NXPH1: variants seen among roughly 807,000 people sequenced by gnomAD.
NXPH1 encodes neurexophilin-1.
NXPH1 carries 5 observed loss-of-function variants against 23.7 expected under a neutral mutation model. That is an observed-to-expected ratio of 0.21 (90% CI 0.11 to 0.44). The LOEUF (loss-of-function observed/expected upper bound fraction) is 0.44. Among genes scored for constraint, NXPH1 ranks in the 20% least tolerant of loss-of-function variants. The pLI, the probability that NXPH1 is intolerant of heterozygous loss-of-function variation, is 0.99. For synonymous variants in NXPH1, 144 were observed against 122.2 expected, an observed-to-expected ratio of 1.18 and a Z score of -1.18; for missense variants, 324 against 321.6, an observed-to-expected ratio of 1.01 and a Z score of -0.06.
intron 2 of NXPH1, among the ~76,000 whole-genome samples, chr7:8,537,467 T>C (rs1315461599): frequency 6.6e-6 from 1 of 151,926 alleles, no homozygotes; most frequent in Non-Finnish European, 1.5e-5. Context: ...GGAGAAGTGC[T>C]GAGCAAAGGG....
At chr7:8,488,872 G>A (rs1005677094) in intron 2 of NXPH1, among the ~76,000 whole-genome samples, 1 of 152,146 alleles carries the variant, frequency 6.6e-6, no homozygotes. Flanking sequence ...CATTGCTTCT[G>A]TTAAGATGAT....
intron 2 of NXPH1, among the ~76,000 whole-genome samples, chr7:8,750,139 GT>G (rs1780539338): frequency 6.6e-6 from 1 of 152,066 alleles, no homozygotes; most frequent in Non-Finnish European, 1.5e-5. Flanking sequence ...AAAAAATTAT[GT>G]CTTATTCAAT....
At chr7:8,482,634 C>T (rs1817093471) in intron 2 of NXPH1, among the ~76,000 whole-genome samples, 1 of 152,178 alleles carries the variant, frequency 6.6e-6, no homozygotes, top group Non-Finnish European at 1.5e-5. Flanking sequence ...CCATTTCTCC[C>T]TCCTGTACAA....
intron 2 of NXPH1, among the ~76,000 whole-genome samples, chr7:8,465,876 A>G (rs1184931203): frequency 6.6e-6 from 1 of 152,116 alleles, no homozygotes; most frequent in Non-Finnish European, 1.5e-5. Context: ...TAAACTGGAG[A>G]CTGTTGTGTC....
intron 2 of NXPH1, among the ~76,000 whole-genome samples, chr7:8,660,659 A>G (rs1446572612): frequency 2.6e-5 from 4 of 152,206 alleles, no homozygotes; most frequent in African/African-American, 9.6e-5. Context: ...CTTTGTCATA[A>G]TAACAACTGC....
At chr7:8,594,167 T>C (rs1471654482) in intron 2 of NXPH1, among the ~76,000 whole-genome samples, 1 of 152,102 alleles carries the variant, frequency 6.6e-6, no homozygotes, top group African/African-American at 2.4e-5. Context: ...CCACGTTTAC[T>C]TGAATGGTAA....
At chr7:8,710,493 A>G (rs1050923449) in intron 2 of NXPH1, among the ~76,000 whole-genome samples, 8 of 152,190 alleles carry the variant, frequency 5.3e-5, no homozygotes, top group African/African-American at 1.9e-4. Context: ...GGATTGAGGA[A>G]TTAAGCCTTG....
At chr7:8,611,758 T>C (rs1390498219) in intron 2 of NXPH1, among the ~76,000 whole-genome samples, 1 of 152,140 alleles carries the variant, frequency 6.6e-6, no homozygotes, top group African/African-American at 2.4e-5. Flanking sequence ...AAAGTGATGA[T>C]AGGAGACTTT....
intron 2 of NXPH1, among the ~76,000 whole-genome samples, chr7:8,512,168 G>A (rs191707893): frequency 8.3e-4 from 126 of 152,264 alleles, no homozygotes; most frequent in African/African-American, 2.6e-3. Context: ...GCATTAAAAG[G>A]AAGCCAAGAG....
At chr7:8,692,920 G>A (rs776505445) in intron 2 of NXPH1, among the ~76,000 whole-genome samples, 11 of 152,130 alleles carry the variant, frequency 7.2e-5, no homozygotes, top group African/African-American at 1.2e-4. Flanking sequence ...ACAAAACACC[G>A]CCTGTAAGTG....
intron 2 of NXPH1, among the ~76,000 whole-genome samples, chr7:8,695,978 A>G (rs1779494060): frequency 1.3e-5 from 2 of 152,184 alleles, no homozygotes; most frequent in Admixed American, 1.3e-4. Flanking sequence ...GTGTCCAGGG[A>G]TTTGGAAGCA....
At chr7:8,578,630 G>C (rs1192372060) in intron 2 of NXPH1, among the ~76,000 whole-genome samples, 1 of 152,188 alleles carries the variant, frequency 6.6e-6, no homozygotes, top group Non-Finnish European at 1.5e-5. Context: ...CTGCAGGCTG[G>C]TCATGAACTA....
intron 2 of NXPH1, among the ~76,000 whole-genome samples, chr7:8,551,264 A>T (rs1320581183): frequency 6.6e-6 from 1 of 151,532 alleles, no homozygotes. Context: ...GTCTACTCAT[A>T]TCCTTTGTCT....
chr7:8,731,447 C>G (rs1307379173), intron 2 of NXPH1, among the ~76,000 whole-genome samples: 1 of 152,164 alleles, frequency 6.6e-6, no homozygotes, highest in East Asian at 1.9e-4. Flanking sequence ...TTTTTCTGCT[C>G]TGTTTTTTCC....
intron 2 of NXPH1, among the ~76,000 whole-genome samples, chr7:8,699,460 C>T (rs1327375950): frequency 6.6e-6 from 1 of 152,068 alleles, no homozygotes; most frequent in African/African-American, 2.4e-5. Context: ...TATTATTATT[C>T]TGCAGAAGAA....
At position 8,608,948 on chromosome 7, in the gene NXPH1, C is replaced by T. The variant is rs139523564; in HGVS notation, c.55-142060C>T. 3.0e-3 allele frequency among the ~76,000 whole-genome samples: 462 copies of T among 152,138 alleles called. 4 individuals are homozygous for T. Among genetic ancestry groups the T allele is most frequent in the African/African-American group, 0.011 (448 of 41,512 alleles). ...AGGGATATATACAGTAAGTCCTCAC[C>T]TAATGTCATTGATAGGTTCTTGGAA... On this transcript the variant is annotated intron_variant, in intron 2 of 2. Transcript: ENST00000405863.
In NXPH1 at chr7:8,471,573, GA is replaced by G. The variant is rs1256747097; in HGVS notation, c.54+35810del. ...GGAACTCATTTTGTTGCTTCCTACA[GA>G]AAAGATCTTGACTTGGCATGGAACA... On this transcript the variant is annotated intron_variant, in intron 2 of 2. Coordinates refer to ENST00000405863, the MANE Select transcript of NXPH1 (RefSeq NM_152745.3). Among the ~76,000 whole-genome samples the G allele has an allele frequency of 2.6e-5, 4 of 152,186 alleles. No individual in the cohort carries two copies. In the East Asian group the frequency reaches 7.7e-4, roughly 29 times the overall value.
intron 2 of NXPH1, among the ~76,000 whole-genome samples, chr7:8,476,326 A>G (rs1816971060): frequency 6.6e-6 from 1 of 152,116 alleles, no homozygotes; most frequent in Non-Finnish European, 1.5e-5. Flanking sequence ...TCCCTCAAAC[A>G]CTTAACCTAC....
intron 2 of NXPH1, among the ~76,000 whole-genome samples, chr7:8,576,337 G>GCAAT (rs1024593617): frequency 1.2e-4 from 18 of 152,288 alleles, no homozygotes; most frequent in African/African-American, 3.9e-4. Context: ...GGAGAATGTG[G>GCAAT]CAATCAATGC....
Sources: gnomAD v4.1 joint callset for allele counts (sites outside exome capture counted in the v4.1 genomes callset) on GRCh38, gnomAD v4.1.1 for gene constraint, MANE v1.5 for transcripts, NCBI Gene and HGNC (gene_info 2026-07-23, HGNC 2026-07-21) for gene names.